RXRB: variants seen among roughly 807,000 people sequenced by gnomAD.
RXRB encodes retinoic acid receptor RXR-beta.
RXRB carries 18 observed loss-of-function variants against 52.5 expected under a neutral mutation model. That is an observed-to-expected ratio of 0.34 (90% confidence interval 0.24 to 0.51). The LOEUF (loss-of-function observed/expected upper bound fraction) is 0.51. RXRB is among the 20% of genes least tolerant of loss of function. The probability of loss-of-function intolerance (pLI) is 0.97; values close to 1 mark genes in which losing one functional copy is unlikely to be tolerated. For synonymous variants in RXRB, 233 were observed against 267.1 expected, an observed-to-expected ratio of 0.87 and a Z score of 1.25; for missense variants, 455 against 698.2, an observed-to-expected ratio of 0.65 and a Z score of 3.92.
Position 33,198,476 on chromosome 6 carries a change from G to A in RXRB, c.484-12C>T. ...ACTGTTGAGTTAATCTGGGATGGGG[G>A]AAATAGGGAAGTCACAGGAAGACTT... On this transcript the variant is annotated splice_polypyrimidine_tract_variant and intron_variant, in intron 2 of 9. Transcript: ENST00000374680. 5 of 1,611,890 alleles carry A rather than the reference G, an allele frequency of 3.1e-6. No homozygotes were observed. Among genetic ancestry groups the A allele is most frequent in the Non-Finnish European group, 4.2e-6 (5 of 1,179,088 alleles).
Position 33,195,263 on chromosome 6 carries a change from G to GTCTTAC in RXRB, c.1348+94_1348+99dup. ...CAGTTGGGAGATTTCCAGGTTGAGG[G>GTCTTAC]TCTTACTGAGGGGGATAGCTGGGTA... is the stretch of plus-strand genomic sequence containing the variant. On this transcript the variant is annotated intron_variant, in intron 8 of 9. Transcript: ENST00000374680. The surrounding 1 kb of genome is among the most constrained non-coding windows in gnomAD (Gnocchi z 8.6). The GTCTTAC allele has an allele frequency of 2.3e-6, 2 of 857,268 alleles. No homozygotes were observed. Among genetic ancestry groups the GTCTTAC allele is most frequent in the East Asian group, 4.8e-5 (2 of 41,366 alleles). The allele number at this position is 857,268 out of a possible 1,614,324, so 53.1% of individuals were successfully genotyped here. A position where few individuals can be genotyped will look rare whatever the true frequency, so the allele number is the denominator to read the frequency against.
At chr6:33,198,532 G>T in intron 2 of RXRB, 68 bp from the exon 3 acceptor site, 1 of 1,442,710 alleles carries the variant, frequency 6.9e-7, no homozygotes, top group Non-Finnish European at 9.7e-7. Flanking sequence ...AGAAGTGATG[G>T]AAATCATTCC....
Position 33,200,117 on chromosome 6 carries a change from A to G in RXRB, c.235+125T>C. The G allele has an allele frequency of 2.3e-6, 3 of 1,308,622 alleles. No individual in the cohort carries two copies. Among genetic ancestry groups the G allele is most frequent in the Non-Finnish European group, 3.3e-6 (3 of 918,256 alleles). The allele number at this position is 1,308,622 out of a possible 1,614,324, so 81.1% of individuals were successfully genotyped here. A position where few individuals can be genotyped will look rare whatever the true frequency, so the allele number is the denominator to read the frequency against. On this transcript the variant is annotated intron_variant, in intron 1 of 9. Transcript: ENST00000374680. The surrounding 1 kb of genome is among the most constrained non-coding windows in gnomAD (Gnocchi z 6.3). ...GAGGGTGCTAAGGCCCTCGGGAGGG[A>G]GGGGACGCGTGTTTACAAACAAGGG...
At chr6:33,200,790 A>C (rs1178515761), upstream of RXRB, 2 of 1,528,218 alleles carry the variant, frequency 1.3e-6, no homozygotes, top group African/African-American at 2.8e-5. The surrounding 1 kb of genome is among the most constrained non-coding windows in gnomAD (Gnocchi z 6.3). Context: ...CATGCGTGTC[A>C]GTGCAGGATG....
intron 1 of RXRB, chr6:33,199,842 G>C (rs970643307): frequency 3.4e-6 from 2 of 580,050 alleles, no homozygotes; most frequent in Non-Finnish European, 6.7e-6. Context: ...CTCGTGGGTG[G>C]GGCAGCACGT....
At chr6:33,198,003 G>C (rs17847933) in intron 3 of RXRB, 62 bp from the exon 4 acceptor site, 82,158 of 1,536,414 alleles carry the variant, frequency 0.053, 3,179 homozygotes, top group South Asian at 0.12. Flanking sequence ...CATTTAGTCT[G>C]TTTCCAATCT....
At position 33,198,429 on chromosome 6, in the gene RXRB, A is replaced by G. The variant is rs1474379932; in HGVS notation, c.519T>C (p.Ser173=). 1 of 1,612,274 alleles carries G rather than the reference A, an allele frequency of 6.2e-7. No homozygotes were observed. Residue 173 remains serine (S), a synonymous_variant, in exon 3 of 10, where the codon TCT becomes TCC. Coordinates refer to ENST00000374680, the MANE Select transcript of RXRB (RefSeq NM_021976.5). ...GTGGCTTCACATCTTCAGGGGGGCC[A>G]GACCCACCCCCAGGGAGTGACACTG... is the stretch of plus-strand genomic sequence containing the variant. The part of the protein sequence containing the change: ...NSTVSLPGGG[S]GPPEDVKPPV...
In RXRB at chr6:33,197,628, G is replaced by T; in HGVS notation, c.820+134C>A. On this transcript the variant is annotated intron_variant, in intron 4 of 9. Coordinates refer to ENST00000374680, the MANE Select transcript of RXRB (RefSeq NM_021976.5). The surrounding 1 kb of genome is among the most constrained non-coding windows in gnomAD (Gnocchi z 4.4). ...ACAGGGTAACAGGGAGGAGAGCTGC[G>T]AAGGGAGAGAGAAATCAAATATCGC... 1.2e-6 allele frequency: 1 copy of T among 809,514 alleles called. No homozygotes were observed. Among genetic ancestry groups the T allele is most frequent in the East Asian group, 2.7e-5 (1 of 37,490 alleles). The allele number at this position is 809,514 out of a possible 1,614,324, so 50.1% of individuals were successfully genotyped here. A position where few individuals can be genotyped will look rare whatever the true frequency, so the allele number is the denominator to read the frequency against.
chr6:33,199,072 T>TC (rs1774177603), intron 2 of RXRB, 97 bp downstream of exon 2: 1 of 872,136 alleles, frequency 1.1e-6, no homozygotes, highest in Non-Finnish European at 1.6e-6. Context: ...GATTGGAAGG[T>TC]CAATGGGCCA....
chr6:33,199,870 C>T, intron 1 of RXRB: 1 of 624,556 alleles, frequency 1.6e-6, no homozygotes, highest in East Asian at 3.5e-5. Context: ...ACCATCGAGC[C>T]CCTCTATTCC....
chr6:33,199,729 T>TCGCCGTATCATTAAAAAA, intron 1 of RXRB: 1 of 421,492 alleles, frequency 2.4e-6, no homozygotes, highest in Non-Finnish European at 4.5e-6. Context: ...CTCATTGTGG[T>TCGCCGTATCATTAAAAAA]GAGAGGAGGG....
Position 33,196,503 on chromosome 6 carries a change from C to A in RXRB, c.924G>T (p.Glu308Asp). The change falls in exon 5 of 10, where the codon GAG becomes GAT. Residue 308 changes from glutamate to aspartate, a missense_variant. Glu to Asp is a conservative substitution (Grantham distance 45). This residue lies in a region of RXRB where 100 missense variants were observed against 141.9 expected (regional missense o/e 0.70). Transcript: ENST00000374680. This position sits in a 1 kb window ranked among gnomAD's most constrained non-coding sequence, Gnocchi z 4.0. ...GGTCACTCTTCTGTTCCACAGCAAG[C>A]TCTGCCTCCAGGATCCTGTCCACAG... ...EMPVDRILEA[E>D]LAVEQKSDQG... 6.2e-7 allele frequency: 1 copy of A among 1,613,106 alleles called. No homozygotes were observed. The highest frequency in any genetic ancestry group is 8.5e-7 in the Non-Finnish European group (1 of 1,180,038).
chr6:33,199,574 C>T (rs978319773), intron 1 of RXRB, 158 bp from the exon 2 acceptor site: 12 of 514,314 alleles, frequency 2.3e-5, no homozygotes, highest in Admixed American at 2.1e-4. Flanking sequence ...TCAGAGACAC[C>T]CTGCTGTCAA....
Position 33,196,654 on chromosome 6 carries a change from A to G in RXRB, c.821-48T>C. On this transcript the variant is annotated intron_variant, in intron 4 of 9. Coordinates refer to ENST00000374680, the MANE Select transcript of RXRB (RefSeq NM_021976.5). This position sits in a 1 kb window ranked among gnomAD's most constrained non-coding sequence, Gnocchi z 4.0. ...AAAAATGGAAAGTCAGCAGCCAGCC[A>G]TGAAGGGGTTCCACAAATATCCTTA... The G allele has an allele frequency of 3.3e-6, 5 of 1,500,460 alleles. No individual in the cohort carries two copies. The highest frequency in any genetic ancestry group is 4.5e-6 in the Non-Finnish European group (5 of 1,106,926). 92.9% of individuals were successfully genotyped at this position (1,500,460 alleles called of 1,614,324 possible). A position where few individuals can be genotyped will look rare whatever the true frequency, so the allele number is the denominator to read the frequency against.
In RXRB at chr6:33,194,630, C is replaced by G; in HGVS notation, c.*52G>C. The G allele has an allele frequency of 6.3e-7, 1 of 1,592,796 alleles. No homozygotes were observed. Among genetic ancestry groups the G allele is most frequent in the Non-Finnish European group, 8.6e-7 (1 of 1,169,204 alleles). ...CACCCTGCCCCAGGGCTTGGAGTCC[C>G]TCTTGGATGTGTGCTCCTCCAGTGT... On this transcript the variant is annotated 3_prime_UTR_variant, in exon 10 of 10. Transcript: ENST00000374680. This position sits in a 1 kb window ranked among gnomAD's most constrained non-coding sequence, Gnocchi z 4.1.
chr6:33,196,474 C>T lies in RXRB; in HGVS notation c.953G>A (p.Gly318Asp). 1 of 1,613,072 alleles carries T rather than the reference C, an allele frequency of 6.2e-7. No individual in the cohort carries two copies. The highest frequency in any genetic ancestry group is 8.5e-7 in the Non-Finnish European group (1 of 1,180,034). Residue 318 changes from glycine to aspartate, a missense_variant, in exon 5 of 10, where the codon GGC becomes GAC. Transcript: ENST00000374680. This position sits in a 1 kb window ranked among gnomAD's most constrained non-coding sequence, Gnocchi z 4.0. ...ELAVEQKSDQ[G>D]VEGPGGTGGS... ...CCCGGTTCCCCCAGGACCCTCAACG[C>T]CCTGGTCACTCTTCTGTTCCACAGC... is the stretch of plus-strand genomic sequence containing the variant.
intron 1 of RXRB, chr6:33,199,982 G>A (rs762705615): frequency 1.3e-6 from 1 of 759,908 alleles, no homozygotes; most frequent in South Asian, 1.4e-5. Context: ...AAGTCCTGAG[G>A]TTTAAGAGGA....
chr6:33,197,984 C>CA lies in RXRB; in HGVS notation c.641-44dup, dbSNP rs1774049518. 6.3e-7 allele frequency: 1 copy of CA among 1,577,348 alleles called. No homozygotes were observed. The highest frequency in any genetic ancestry group is 1.8e-5 in the Admixed American group (1 of 56,910). Reference sequence around the variant, plus strand: ...GAGCAATAAGAAGGTTGCATGGAGACACCTTCACCATTTAGTCTGTTTCCA... The same window carrying CA: ...GAGCAATAAGAAGGTTGCATGGAGACAACCTTCACCATTTAGTCTGTTTCCA... On this transcript the variant is annotated intron_variant, in intron 3 of 9. Transcript: ENST00000374680. This position sits in a 1 kb window ranked among gnomAD's most constrained non-coding sequence, Gnocchi z 4.4.
In RXRB at chr6:33,193,781, G is replaced by A. The variant is rs979231583; in HGVS notation, c.*901C>T. On this transcript the variant is annotated 3_prime_UTR_variant, in exon 10 of 10. Transcript: ENST00000374680. Reference sequence around the variant, plus strand: ...GCTATGTGCCCAGGGCTGGAGGAGAGCTGTAAAGGGAAGGCCTCCGGGACT... The same window carrying A: ...GCTATGTGCCCAGGGCTGGAGGAGAACTGTAAAGGGAAGGCCTCCGGGACT... 2 of 152,164 alleles carry A rather than the reference G, an allele frequency of 1.3e-5. No individual in the cohort carries two copies. Among genetic ancestry groups the A allele is most frequent in the Admixed American group, 1.3e-4 (2 of 15,274 alleles). The allele number at this position is 152,164 out of a possible 1,614,324, so 9.4% of individuals were successfully genotyped here.
Sources: allele counts gnomAD v4.1 joint callset, GRCh38; gene constraint gnomAD v4.1.1; regional missense constraint gnomAD v4.1.1; non-coding constraint Gnocchi (gnomAD v3.1); transcripts MANE v1.5; gene names NCBI Gene and HGNC (gene_info 2026-07-23, HGNC 2026-07-21).